The following PDZD2 variants were observed in gnomAD, a reference collection of about 807,000 sequenced individuals.
PDZD2 encodes PDZ domain containing 2.
A neutral mutation model predicts 220.7 loss-of-function variants in PDZD2; 90 were observed. The ratio of observed to expected loss-of-function variants is 0.41; its 90% CI spans 0.34 to 0.49. The LOEUF (loss-of-function observed/expected upper bound fraction) is 0.49. PDZD2 is among the 20% of genes least tolerant of loss of function. PDZD2 has a pLI of 0.28. For synonymous variants in PDZD2, 1,375 were observed against 1,450.5 expected (o/e 0.95, Z 1.18); for missense variants, 3,174 against 3,608.5 (o/e 0.88, Z 3.08).
chr5:31,893,297 G>A (rs184133610), intron 2 of PDZD2, among the ~76,000 whole-genome samples: 9 of 152,250 alleles, frequency 5.9e-5, no homozygotes, highest in Non-Finnish European at 8.8e-5. Context: ...CTGGCTGGGC[G>A]CGGTGGCTCG....
chr5:31,913,684 G>A (rs1022523235), intron 2 of PDZD2, among the ~76,000 whole-genome samples: 1 of 152,102 alleles, frequency 6.6e-6, no homozygotes, highest in African/African-American at 2.4e-5. Flanking sequence ...AAATCATCAG[G>A]TGAATAAGCA....
At chr5:31,732,206 T>C (rs181308002) in intron 1 of PDZD2, among the ~76,000 whole-genome samples, 196 of 152,280 alleles carry the variant, frequency 1.3e-3, no homozygotes, top group Middle Eastern at 3.4e-3. Context: ...CAGAGAAGCT[T>C]TTTTAAACCT....
chr5:31,887,242 C>T (rs62361608), intron 2 of PDZD2, among the ~76,000 whole-genome samples: 10,040 of 152,236 alleles, frequency 0.066, 390 homozygotes, highest in Middle Eastern at 0.082. Context: ...TTTACACACG[C>T]ACACACAAAC....
chr5:31,846,487 G>A (rs1757595005), intron 2 of PDZD2, among the ~76,000 whole-genome samples: 1 of 152,200 alleles, frequency 6.6e-6, no homozygotes, highest in Non-Finnish European at 1.5e-5. Flanking sequence ...GAGGGAAAGA[G>A]ACATGGGCAT....
chr5:32,100,226 T>G (rs1305399582), intron 23 of PDZD2: 1 of 156,110 alleles, frequency 6.4e-6, no homozygotes, highest in African/African-American at 2.4e-5. Flanking sequence ...CTGGCCTTTA[T>G]GTCCAAAGGA....
At chr5:31,654,130 G>T (rs1193015998) in intron 1 of PDZD2, among the ~76,000 whole-genome samples, 2 of 152,142 alleles carry the variant, frequency 1.3e-5, no homozygotes. Flanking sequence ...CCATAGAGAA[G>T]TGGTTCTCCA....
At chr5:31,811,614 G>A (rs1330265120) in intron 2 of PDZD2, among the ~76,000 whole-genome samples, 1 of 152,162 alleles carries the variant, frequency 6.6e-6, no homozygotes, top group African/African-American at 2.4e-5. Context: ...TTTTGACCTT[G>A]GGATCACAAA....
Position 32,110,143 on chromosome 5 carries a change from C to T in PDZD2, c.*2008C>T, listed in dbSNP as rs1379098407. The T allele has an allele frequency of 1.3e-5, 2 of 152,586 alleles. No individual in the cohort carries two copies. The highest frequency in any genetic ancestry group is 2.9e-5 in the Non-Finnish European group (2 of 68,038). The allele number at this position is 152,586 out of a possible 1,614,324, so 9.5% of individuals were successfully genotyped here. On this transcript the variant is annotated 3_prime_UTR_variant, in exon 25 of 25. Transcript: ENST00000438447. The stretch of plus-strand genomic sequence containing the variant: ...TTCAAGTCAACAACACTGAAAACTG[C>T]TTTTCGCCTCCACTCTTACAGCTGT...
chr5:31,935,685 G>A (rs1266329099), intron 2 of PDZD2, among the ~76,000 whole-genome samples: 1 of 152,210 alleles, frequency 6.6e-6, no homozygotes, highest in African/African-American at 2.4e-5. Flanking sequence ...CAGATTAAAT[G>A]TATTGTGAAA....
At chr5:31,644,857 T>A (rs1317576864) in intron 1 of PDZD2, among the ~76,000 whole-genome samples, 2 of 152,192 alleles carry the variant, frequency 1.3e-5, no homozygotes, top group East Asian at 3.8e-4. Context: ...AAGTTATTCT[T>A]GGATTATATG....
At chr5:31,850,783 C>T (rs1364172270) in intron 2 of PDZD2, among the ~76,000 whole-genome samples, 8 of 151,914 alleles carry the variant, frequency 5.3e-5, no homozygotes, top group African/African-American at 1.9e-4. Flanking sequence ...ACTACAGGTG[C>T]ATGCCACCAT....
Position 31,849,919 on chromosome 5 carries a change from CATAT to C in PDZD2, c.476+50205_476+50208del, listed in dbSNP as rs1188241225. Among the ~76,000 whole-genome samples the C allele has an allele frequency of 1.8e-3, 35 of 19,056 alleles. 6 individuals are homozygous for C. The highest frequency in any genetic ancestry group is 2.7e-3 in the Non-Finnish European group (31 of 11,356). 12.5% of individuals were successfully genotyped at this position (19,056 alleles called of 152,430 possible). On this transcript the variant is annotated intron_variant, in intron 2 of 24. Transcript: ENST00000438447. ...ATATATATATACATATATATATATA[CATAT>C]ATATATATACACATATATATATATA...
At chr5:31,898,276 G>A (rs1299316865) in intron 2 of PDZD2, among the ~76,000 whole-genome samples, 1 of 152,184 alleles carries the variant, frequency 6.6e-6, no homozygotes, top group Non-Finnish European at 1.5e-5. Flanking sequence ...CATAATAAAT[G>A]GCCAGTGATA....
intron 4 of PDZD2, among the ~76,000 whole-genome samples, chr5:31,998,595 A>AT (rs1751838962): frequency 6.6e-6 from 1 of 152,200 alleles, no homozygotes; most frequent in African/African-American, 2.4e-5. Context: ...CATGTGTTTC[A>AT]TGGCAGCACC....
At chr5:31,765,884 T>C (rs1751968233) in intron 1 of PDZD2, among the ~76,000 whole-genome samples, 1 of 152,128 alleles carries the variant, frequency 6.6e-6, no homozygotes. Flanking sequence ...TAAATTAAGA[T>C]TCTGAGACCA....
At chr5:32,010,726 T>A in intron 6 of PDZD2, 2 of 514,076 alleles carry the variant, frequency 3.9e-6, no homozygotes, top group South Asian at 3.1e-5. Flanking sequence ...CTGGGCACAG[T>A]GGCTTACACC....
chr5:31,932,160 T>C (rs1363745810), intron 2 of PDZD2, among the ~76,000 whole-genome samples: 1 of 152,220 alleles, frequency 6.6e-6, no homozygotes, highest in African/African-American at 2.4e-5. Flanking sequence ...CTGTTGTTTT[T>C]AAGACCATTT....
chr5:32,087,799 T>A lies in PDZD2; in HGVS notation c.4351T>A (p.Ser1451Thr). 6.2e-7 allele frequency: 1 copy of A among 1,613,462 alleles called. No individual in the cohort carries two copies. Among genetic ancestry groups the A allele is most frequent in the Non-Finnish European group, 8.5e-7 (1 of 1,179,854 alleles). The change falls in exon 20 of 25, where the codon TCT (serine) becomes ACT (threonine). Residue 1451 changes from serine (S) to threonine (T), a missense_variant. Ser to Thr is a moderately conservative substitution (Grantham distance 58). This residue lies in a region of PDZD2 where 1,861 missense variants were observed against 2,001.0 expected (regional missense o/e 0.93). Coordinates refer to ENST00000438447, the MANE Select transcript of PDZD2 (RefSeq NM_178140.4). This position sits in a 1 kb window ranked among gnomAD's most constrained non-coding sequence, Gnocchi z 4.0. ...SPSSQTGDSGSQEGSAQGHPP... is the reference protein window; with the variant it reads ...SPSSQTGDSGTQEGSAQGHPP... ...GTCTTCCCAGACGGGGGACAGTGGCTCTCAGGAGGGCAGTGCTCAGGGCCA... is the reference window on the plus strand; with the variant it reads ...GTCTTCCCAGACGGGGGACAGTGGCACTCAGGAGGGCAGTGCTCAGGGCCA...
intron 2 of PDZD2, among the ~76,000 whole-genome samples, chr5:31,825,215 C>CA (rs1164476585): frequency 6.6e-6 from 1 of 152,156 alleles, no homozygotes; most frequent in African/African-American, 2.4e-5. Flanking sequence ...GCTGGAACAC[C>CA]AAACGGAACC....
Sources: allele counts gnomAD v4.1 joint callset (sites outside exome capture counted in the v4.1 genomes callset), GRCh38; gene constraint gnomAD v4.1.1; regional missense constraint gnomAD v4.1.1; non-coding constraint Gnocchi (gnomAD v3.1); transcripts MANE v1.5; gene names NCBI Gene and HGNC (gene_info 2026-07-23, HGNC 2026-07-21).